Variants in CENPU observed in about 807,000 individuals in gnomAD.
CENPU encodes the protein KSHV latent nuclear antigen interacting protein 1.
In CENPU, 46 loss-of-function variants were observed where a neutral mutation model predicts 56.7. That is an observed-to-expected ratio of 0.81 (90% CI 0.64 to 1.04). The LOEUF is 1.04. Among genes scored for constraint, CENPU ranks in the 50% least tolerant of loss-of-function variants. The pLI is 0.00. For synonymous variants in CENPU, 166 were observed against 163.0 expected (o/e 1.02, Z -0.14); for missense variants, 510 against 490.1 (o/e 1.04, Z -0.38).
chr4:184,700,866 C>T lies in CENPU; in HGVS notation c.940G>A (p.Glu314Lys), dbSNP rs372424575. 8.3e-5 allele frequency: 134 copies of T among 1,613,104 alleles called. No homozygotes were observed. Among genetic ancestry groups the T allele is most frequent in the Non-Finnish European group, 1.0e-4 (120 of 1,179,236 alleles). Reference protein sequence around the residue: ...RKNAKMISDIEKKRQRMIEVQ... With the variant: ...RKNAKMISDIKKKRQRMIEVQ... ...TCAATCATACGCTGCCTTTTCTTTT[C>T]GATATCTGAAATCATCTAAGTAACA... The change falls in exon 11 of 13, where the codon GAA becomes AAA. Residue 314 changes from glutamate (E) to lysine (K), a missense_variant. Physicochemically the swap from Glu to Lys is moderately conservative, Grantham distance 56. Transcript: ENST00000281453.
intron 4 of CENPU, among the ~76,000 whole-genome samples, chr4:184,722,795 A>G (rs1466881402): frequency 6.6e-6 from 1 of 152,200 alleles, no homozygotes; most frequent in East Asian, 1.9e-4. Flanking sequence ...TCAACTAGAA[A>G]ATAGGAAAAA....
At chr4:184,701,568 C>A (rs1451607766) in intron 10 of CENPU, among the ~76,000 whole-genome samples, 1 of 152,116 alleles carries the variant, frequency 6.6e-6, no homozygotes, top group African/African-American at 2.4e-5. Context: ...TGGCTTGTCA[C>A]CCACTGCAGA....
intron 5 of CENPU, 95 bp from the exon 6 acceptor site, chr4:184,716,728 T>C: frequency 2.1e-6 from 2 of 944,384 alleles, no homozygotes; most frequent in African/African-American, 1.7e-5. Flanking sequence ...TAGTCCACAT[T>C]TCTCACTTCT....
rs1410552816 is a variant in CENPU, at chr4:184,694,132, C to T, written c.*1156G>A. On this transcript the variant is annotated 3_prime_UTR_variant, in exon 13 of 13. Transcript: ENST00000281453. ...TTTTTCAATCCATGTTTACGATTTG[C>T]TAAATACTTTAAAATTTAAAGCATG... 2 of 731,234 alleles carry T rather than the reference C, an allele frequency of 2.7e-6. No individual in the cohort carries two copies. Among genetic ancestry groups the T allele is most frequent in the Non-Finnish European group, 1.7e-6 (1 of 598,358 alleles). 45.3% of individuals were successfully genotyped at this position (731,234 alleles called of 1,614,324 possible).
At chr4:184,707,179 C>A (rs888726166) in intron 8 of CENPU, among the ~76,000 whole-genome samples, 3 of 151,006 alleles carry the variant, frequency 2.0e-5, no homozygotes, top group Non-Finnish European at 2.9e-5. Context: ...CAAGCTCACC[C>A]AGAACTACAG....
chr4:184,733,326 C>T (rs902715249), intron 1 of CENPU: 2 of 986,286 alleles, frequency 2.0e-6, no homozygotes, highest in Non-Finnish European at 1.2e-6. Context: ...TTCCCAGGCC[C>T]GGGGGAACTC....
intron 1 of CENPU, among the ~76,000 whole-genome samples, chr4:184,731,880 G>GTT (rs1316987677): frequency 3.7e-5 from 1 of 26,766 alleles, no homozygotes; most frequent in African/African-American, 1.2e-4. Context: ...TTACTCATGT[G>GTT]CTCTGTGTGT....
chr4:184,716,655 A>G lies in CENPU; in HGVS notation c.382-22T>C, dbSNP rs764833515. 23 of 1,536,386 alleles carry G rather than the reference A, an allele frequency of 1.5e-5. No homozygotes were observed. In the East Asian group the frequency reaches 2.5e-4, roughly 16 times the overall value. On this transcript the variant is annotated intron_variant, in intron 5 of 12. Coordinates refer to ENST00000281453, the MANE Select transcript of CENPU (RefSeq NM_024629.4). ...CTGGCTGTGTGAAAGAAAAAACAGCAGTACTTATGTAGAAAATAGAAATGC... is the reference window on the plus strand; with the variant it reads ...CTGGCTGTGTGAAAGAAAAAACAGCGGTACTTATGTAGAAAATAGAAATGC...
intron 12 of CENPU, 113 bp downstream of exon 12, chr4:184,697,534 T>C: frequency 1.1e-6 from 1 of 933,238 alleles, no homozygotes; most frequent in Non-Finnish European, 1.6e-6. Context: ...TTAGGTGGAC[T>C]CTGTAATTCT....
intron 8 of CENPU, among the ~76,000 whole-genome samples, chr4:184,705,002 G>C (rs1760676002): frequency 6.6e-6 from 1 of 152,132 alleles, no homozygotes; most frequent in Admixed American, 6.5e-5. Flanking sequence ...ATACACCGTG[G>C]AAAACAGTCT....
chr4:184,712,866 TA>T (rs1760969728), intron 7 of CENPU, 77 bp downstream of exon 7: 1 of 1,009,916 alleles, frequency 9.9e-7, no homozygotes, highest in Non-Finnish European at 1.5e-6. Flanking sequence ...TTTACTACTA[TA>T]ACAAATTAAG....
intron 3 of CENPU, among the ~76,000 whole-genome samples, chr4:184,728,382 G>T (rs1761528242): frequency 6.6e-6 from 1 of 152,164 alleles, no homozygotes. Flanking sequence ...GGGGACACAT[G>T]GCATTTTCTC....
In CENPU at chr4:184,694,823, T is replaced by C. The variant is rs775203598; in HGVS notation, c.*465A>G. On this transcript the variant is annotated 3_prime_UTR_variant, in exon 13 of 13. Transcript: ENST00000281453. Reference sequence around the variant, plus strand: ...TTTTGTCACCAGGCTATAATTTGCCTGATGTCTGTGAGATTTGATAAATAT... The same window carrying C: ...TTTTGTCACCAGGCTATAATTTGCCCGATGTCTGTGAGATTTGATAAATAT... 1.3e-6 allele frequency: 2 copies of C among 1,495,370 alleles called. No individual in the cohort carries two copies. The highest frequency in any genetic ancestry group is 1.8e-6 in the Non-Finnish European group (2 of 1,083,014). The allele number at this position is 1,495,370 out of a possible 1,614,324, so 92.6% of individuals were successfully genotyped here. A position where few individuals can be genotyped will look rare whatever the true frequency, so the allele number is the denominator to read the frequency against.
At chr4:184,696,687 C>T (rs946176921) in intron 12 of CENPU, among the ~76,000 whole-genome samples, 2 of 142,668 alleles carry the variant, frequency 1.4e-5, no homozygotes, top group African/African-American at 5.4e-5. Context: ...GTATACATTA[C>T]ATATATATAT....
chr4:184,725,893 A>G (rs1370758517), intron 3 of CENPU, among the ~76,000 whole-genome samples: 1 of 152,210 alleles, frequency 6.6e-6, no homozygotes, highest in Non-Finnish European at 1.5e-5. Context: ...GCGGGTGCTC[A>G]GGAAAGAGGA....
At chr4:184,723,626 G>A (rs188206453) in intron 4 of CENPU, among the ~76,000 whole-genome samples, 2 of 151,992 alleles carry the variant, frequency 1.3e-5, no homozygotes, top group Admixed American at 6.6e-5. Context: ...GGCGGATCAC[G>A]AGCTCAAGAG....
At chr4:184,730,675 T>C (rs1445247836) in intron 2 of CENPU, among the ~76,000 whole-genome samples, 1 of 152,034 alleles carries the variant, frequency 6.6e-6, no homozygotes, top group African/African-American at 2.4e-5. Flanking sequence ...GTACAATTTT[T>C]ACATGAAGTC....
At chr4:184,730,770 T>C in intron 2 of CENPU, 150 bp downstream of exon 2, 2 of 538,624 alleles carry the variant, frequency 3.7e-6, no homozygotes, top group East Asian at 3.3e-5. Flanking sequence ...TTATCCACTA[T>C]ACCGGAAAAA....
rs772868874 is a variant in CENPU at position 184,734,065 on chromosome 4, T to G, written c.-3A>C. ...CGCCGCCGCCCCCGCGGGGCCATGG[T>G]GCCGCTCTCCGCTCTCGAGCGACTG... On this transcript the variant is annotated 5_prime_UTR_variant, in exon 1 of 13. Transcript: ENST00000281453. 6 of 1,556,704 alleles carry G rather than the reference T, an allele frequency of 3.9e-6. No homozygotes were observed. The East Asian group carries it at 1.2e-4, about 31-fold the overall frequency.
Sources: gnomAD v4.1 joint callset for allele counts (sites outside exome capture counted in the v4.1 genomes callset) on GRCh38, gnomAD v4.1.1 for gene constraint, MANE v1.5 for transcripts, NCBI Gene and HGNC (gene_info 2026-07-23, HGNC 2026-07-21) for gene names.